Variants in PPP4R4 observed in about 807,000 individuals in gnomAD.
PPP4R4 encodes serine/threonine-protein phosphatase 4 regulatory subunit 4.
A neutral mutation model predicts 121.8 loss-of-function variants in PPP4R4; 70 were observed. The observed-to-expected ratio is 0.57, with a 90% CI of 0.47 to 0.70. The LOEUF is 0.70. Ranked by LOEUF, PPP4R4 falls within the 30% of genes least tolerant of loss-of-function variation. The probability of loss-of-function intolerance (pLI) is 0.00; values close to 1 mark genes in which losing one functional copy is unlikely to be tolerated. For synonymous variants in PPP4R4, 348 were observed against 355.7 expected, an observed-to-expected ratio of 0.98 and a Z score of 0.24; for missense variants, 875 against 1,033.6, an observed-to-expected ratio of 0.85 and a Z score of 2.10.
intron 3 of PPP4R4, among the ~76,000 whole-genome samples, chr14:94,216,532 C>T (rs922261576): frequency 1.7e-4 from 26 of 152,322 alleles, no homozygotes; most frequent in Non-Finnish European, 1.5e-4. Flanking sequence ...CTTTTCCATA[C>T]GTTTCCACTG....
intron 5 of PPP4R4, among the ~76,000 whole-genome samples, chr14:94,232,356 T>C (rs1231182525): frequency 6.6e-6 from 1 of 152,238 alleles, no homozygotes; most frequent in Admixed American, 6.5e-5. Flanking sequence ...ATACAGTTTA[T>C]GGTCCTGTCA....
At position 94,264,974 on chromosome 14, in the gene PPP4R4, A is replaced by G. The variant is rs184965585; in HGVS notation, c.2197+27A>G. ...TAAGTAGTTTTTCTATGTCTTCAAC[A>G]CTTAATTACATAATTAATGTTGCAT... is the stretch of plus-strand genomic sequence containing the variant. On this transcript the variant is annotated intron_variant, in intron 20 of 24. Transcript: ENST00000304338. 746 of 1,450,880 alleles carry G rather than the reference A, an allele frequency of 5.1e-4. 2 individuals carry two copies. Among genetic ancestry groups the G allele is most frequent in the Admixed American group, 7.0e-4 (34 of 48,636 alleles). 89.9% of individuals were successfully genotyped at this position (1,450,880 alleles called of 1,614,324 possible). A position where few individuals can be genotyped will look rare whatever the true frequency, so the allele number is the denominator to read the frequency against.
intron 2 of PPP4R4, among the ~76,000 whole-genome samples, chr14:94,191,216 GT>G (rs748322047): frequency 1.2e-4 from 19 of 152,270 alleles, no homozygotes; most frequent in Non-Finnish European, 2.4e-4. Context: ...GTGCTGTGGG[GT>G]GTGAGGAGAA....
intron 2 of PPP4R4, among the ~76,000 whole-genome samples, chr14:94,196,930 T>C (rs772434481): frequency 2.0e-5 from 3 of 152,164 alleles, no homozygotes; most frequent in Non-Finnish European, 4.4e-5. Context: ...AAATTAACTA[T>C]CCGTGTAATT....
chr14:94,236,283 A>G (rs1357736349), intron 7 of PPP4R4, among the ~76,000 whole-genome samples: 1 of 152,208 alleles, frequency 6.6e-6, no homozygotes, highest in East Asian at 1.9e-4. Context: ...GATTGAATGG[A>G]AATAACTTTT....
At chr14:94,222,060 C>T (rs1359201532) in intron 3 of PPP4R4, among the ~76,000 whole-genome samples, 1 of 151,812 alleles carries the variant, frequency 6.6e-6, no homozygotes, top group Non-Finnish European at 1.5e-5. Flanking sequence ...TGTGGCTTCT[C>T]CTGATGTTTT....
At chr14:94,262,488 C>T (rs991917546) in intron 19 of PPP4R4, among the ~76,000 whole-genome samples, 6 of 151,880 alleles carry the variant, frequency 4.0e-5, no homozygotes, top group African/African-American at 1.2e-4. Context: ...TAACCTTTTA[C>T]AGTCTACATA....
At chr14:94,271,104 TA>T (rs1894302601) in intron 23 of PPP4R4, among the ~76,000 whole-genome samples, 2 of 152,170 alleles carry the variant, frequency 1.3e-5, no homozygotes, top group African/African-American at 4.8e-5. Context: ...ATTTGAGGAA[TA>T]AATTTTACCA....
intron 23 of PPP4R4, among the ~76,000 whole-genome samples, chr14:94,270,923 A>C (rs1009166844): frequency 1.1e-4 from 16 of 151,732 alleles, no homozygotes; most frequent in Middle Eastern, 3.4e-3. Context: ...ATCTCAAAAA[A>C]AAAAACAACA....
At chr14:94,245,465 C>A in intron 12 of PPP4R4, 122 bp from the exon 13 acceptor site, 1 of 483,234 alleles carries the variant, frequency 2.1e-6, no homozygotes, top group Non-Finnish European at 3.6e-6. Flanking sequence ...AAATACAAAT[C>A]CTCAAAATGT....
chr14:94,235,388 CTTTTTTTTTTTTTTTTTTTT>C (rs34881107), intron 7 of PPP4R4, among the ~76,000 whole-genome samples: 1 of 50,812 alleles, frequency 2.0e-5, no homozygotes, highest in Non-Finnish European at 3.4e-5. Context: ...TCTCCTTGTT[CTTTTTTTTTTTTTTTTTTTT>C]TTTTTTTTTG....
chr14:94,245,544 A>G (rs755412148), intron 12 of PPP4R4, 43 bp from the exon 13 acceptor site: 6 of 1,072,528 alleles, frequency 5.6e-6, no homozygotes, highest in Middle Eastern at 2.8e-4. Context: ...TCTAGCAAAA[A>G]CATAGTAATC....
intron 23 of PPP4R4, among the ~76,000 whole-genome samples, chr14:94,272,823 A>T (rs1894406060): frequency 6.6e-6 from 1 of 152,210 alleles, no homozygotes; most frequent in Non-Finnish European, 1.5e-5. Flanking sequence ...CAACCTGATT[A>T]AAAAATGGGC....
intron 2 of PPP4R4, among the ~76,000 whole-genome samples, chr14:94,196,812 T>C (rs17129516): frequency 0.093 from 14,134 of 152,166 alleles, 803 homozygotes; most frequent in South Asian, 0.15. Context: ...TCTTACACAT[T>C]AAAAATTTCT....
rs1892673745 is a variant in PPP4R4, at chr14:94,242,279, C to T, written c.1147-10C>T. 1.9e-6 allele frequency: 3 copies of T among 1,610,828 alleles called. No individual in the cohort carries two copies. The highest frequency in any genetic ancestry group is 2.5e-6 in the Non-Finnish European group (3 of 1,177,488). ...CTTCCCACTCATCTCCTCCCTTCCA[C>T]CTCCACCAGGCCATGATTGTTTTTG... On this transcript the variant is annotated splice_polypyrimidine_tract_variant and intron_variant, in intron 10 of 24. Coordinates refer to ENST00000304338, the MANE Select transcript of PPP4R4 (RefSeq NM_058237.2).
At chr14:94,199,548 C>T (rs1007696956) in intron 2 of PPP4R4, among the ~76,000 whole-genome samples, 1 of 152,040 alleles carries the variant, frequency 6.6e-6, no homozygotes, top group African/African-American at 2.4e-5. Context: ...GGGTTTCTTG[C>T]CTTGGTGTAC....
At chr14:94,210,142 C>T (rs1160283588) in intron 3 of PPP4R4, among the ~76,000 whole-genome samples, 3 of 151,088 alleles carry the variant, frequency 2.0e-5, no homozygotes, top group African/African-American at 7.3e-5. Flanking sequence ...ACCATATCTT[C>T]TATAACTCAG....
chr14:94,206,687 T>G lies in PPP4R4; in HGVS notation c.192-1777T>G, dbSNP rs544622375. ...ATCTGTTCATCTAGTTAGCCATCTA[T>G]TCATTCATGTTTTCAAGAGATATTT... On this transcript the variant is annotated intron_variant, in intron 2 of 24. Transcript: ENST00000304338. Among the ~76,000 whole-genome samples the G allele has an allele frequency of 2.6e-5, 4 of 152,088 alleles. No individual in the cohort carries two copies. In the South Asian group the frequency reaches 8.3e-4, roughly 32 times the overall value.
chr14:94,272,528 T>TA (rs1420483632), intron 23 of PPP4R4, among the ~76,000 whole-genome samples: 1 of 152,152 alleles, frequency 6.6e-6, no homozygotes, highest in African/African-American at 2.4e-5. Flanking sequence ...GTTCTAAATG[T>TA]AAAATGCAAA....
Sources: allele counts gnomAD v4.1 joint callset (sites outside exome capture counted in the v4.1 genomes callset), GRCh38; gene constraint gnomAD v4.1.1; transcripts MANE v1.5; gene names NCBI Gene and HGNC (gene_info 2026-07-23, HGNC 2026-07-21).